The following PHKA2 variants were observed in gnomAD, a reference collection of about 807,000 sequenced individuals.
The protein encoded by PHKA2 is phosphorylase kinase regulatory subunit alpha 2.
In PHKA2, 31 loss-of-function variants were observed where a neutral mutation model predicts 102.0. The ratio of observed to expected loss-of-function variants is 0.30; its 90% confidence interval spans 0.23 to 0.41. The LOEUF (loss-of-function observed/expected upper bound fraction) is 0.41, where lower values mean the gene tolerates loss of function less well. PHKA2 is among the 10% of genes least tolerant of loss of function. The probability of loss-of-function intolerance (pLI) is 1.00; values close to 1 mark genes in which losing one functional copy is unlikely to be tolerated. For missense variants in PHKA2, 858 were observed against 1,023.1 expected (o/e 0.84, Z 2.20); for synonymous variants, 455 against 416.2 (o/e 1.09, Z -1.13).
intron 17 of PHKA2, among the ~76,000 whole-genome samples, chrX:18,921,760 G>A (rs1054317369): frequency 5.4e-5 from 6 of 110,828 alleles, no homozygotes; most frequent in Non-Finnish European, 1.1e-4. Flanking sequence ...CGGGTTCTGG[G>A]TTCACACAGA....
Position 18,897,620 on chromosome X carries a change from G to A in PHKA2, c.3112-287C>T, listed in dbSNP as rs979629256. 8.8e-5 allele frequency: 31 copies of A among 354,060 alleles called. No individual in the cohort carries two copies. In the Admixed American group the frequency reaches 1.1e-3, roughly 13 times the overall value. 29.2% of individuals were successfully genotyped at this position (354,060 alleles called of 1,213,427 possible). ...GGAGGAGGCCGAACAGGGCGAGCAC[G>A]GGCTTGGGGGTCAGACTGCCGGAGT... is the stretch of plus-strand genomic sequence containing the variant. On this transcript the variant is annotated intron_variant, in intron 29 of 32. Transcript: ENST00000379942.
chrX:18,894,873 A>T (rs1242880667), intron 31 of PHKA2: 1 of 422,278 alleles, frequency 2.4e-6, no homozygotes, highest in East Asian at 3.9e-5. Context: ...TTCTTTCACC[A>T]GGGTTCTAAG....
intron 1 of PHKA2, among the ~76,000 whole-genome samples, chrX:18,975,352 C>T (rs1263312780): frequency 2.7e-5 from 3 of 111,634 alleles, no homozygotes; most frequent in Non-Finnish European, 5.6e-5. Flanking sequence ...TCTCTTTGCC[C>T]GCTGCCATCC....
chrX:18,929,186 G>A, intron 13 of PHKA2, 42 bp downstream of exon 13: 1 of 907,734 alleles, frequency 1.1e-6, no homozygotes, highest in Non-Finnish European at 1.6e-6. Flanking sequence ...AATAACATTG[G>A]TTTTACAAAG....
intron 18 of PHKA2, 106 bp from the exon 19 acceptor site, chrX:18,918,960 A>G (rs1601728597): frequency 3.1e-6 from 2 of 646,500 alleles, no homozygotes; most frequent in East Asian, 6.5e-5. Context: ...GGCTTAGCAG[A>G]TGACAACACT....
rs182242681 is a variant in PHKA2 at position 18,959,488 on chromosome X, G to T, written c.79-5076C>A. Among the ~76,000 whole-genome samples the T allele has an allele frequency of 4.5e-5, 5 of 111,343 alleles. No individual in the cohort carries two copies. The East Asian group carries it at 1.1e-3, about 25-fold the overall frequency. On this transcript the variant is annotated intron_variant, in intron 1 of 32. Transcript: ENST00000379942. ...TTTATCATTACTATAAACATTACTG[G>T]TGAAGATATTTTATCACATTGACAT... is the stretch of plus-strand genomic sequence containing the variant.
chrX:18,899,973 C>G (rs2047648895), intron 28 of PHKA2, among the ~76,000 whole-genome samples: 1 of 111,762 alleles, frequency 8.9e-6, no homozygotes, highest in Admixed American at 9.5e-5. Context: ...AGGAACCACT[C>G]AGATTCACCC....
intron 18 of PHKA2, among the ~76,000 whole-genome samples, chrX:18,919,798 T>C (rs1477425818): frequency 9.0e-6 from 1 of 110,633 alleles, no homozygotes; most frequent in Non-Finnish European, 1.9e-5. Context: ...CTGAAACTCT[T>C]TGTCCTTCTA....
At chrX:18,960,014 C>T (rs1018882539) in intron 1 of PHKA2, among the ~76,000 whole-genome samples, 1 of 111,282 alleles carries the variant, frequency 9.0e-6, no homozygotes, top group Non-Finnish European at 1.9e-5. Flanking sequence ...TATCTCCAGC[C>T]ACTTGTTCAC....
intron 1 of PHKA2, among the ~76,000 whole-genome samples, chrX:18,965,271 G>C (rs889228801): frequency 6.3e-5 from 7 of 111,625 alleles, no homozygotes. Flanking sequence ...TGAGATGTAA[G>C]TCCTGAGCCT....
intron 2 of PHKA2, among the ~76,000 whole-genome samples, chrX:18,953,762 G>A (rs1396570455): frequency 2.7e-5 from 3 of 111,523 alleles, no homozygotes; most frequent in East Asian, 5.6e-4. Flanking sequence ...TGAGGTGGGC[G>A]GATCACTTGA....
Position 18,924,110 on chromosome X carries a change from G to C in PHKA2, c.1739C>G (p.Ser580Cys). ...MLTNDGSDIH[S>C]AVLSTIRKLE... ...TTTTCTAATTGTGGAGAGCACAGCAGAATGAATGTCTGAGCCATCATTTGC... is the reference window on the plus strand; with the variant it reads ...TTTTCTAATTGTGGAGAGCACAGCACAATGAATGTCTGAGCCATCATTTGC... The change falls in exon 17 of 33, where the codon TCT becomes TGT. Residue 580 changes from serine to cysteine, a missense_variant. Ser to Cys is a moderately radical substitution (Grantham distance 112). This residue lies in a region of PHKA2 where 671 missense variants were observed against 745.2 expected (regional missense o/e 0.90). Coordinates refer to ENST00000379942, the MANE Select transcript of PHKA2 (RefSeq NM_000292.3). 1 of 1,204,007 alleles carries C rather than the reference G, an allele frequency of 8.3e-7. No homozygotes were observed. The highest frequency in any genetic ancestry group is 1.1e-6 in the Non-Finnish European group (1 of 888,243).
At chrX:18,948,147 G>C (rs1273657351) in intron 5 of PHKA2, among the ~76,000 whole-genome samples, 1 of 111,580 alleles carries the variant, frequency 9.0e-6, no homozygotes, top group Admixed American at 9.5e-5. Flanking sequence ...ATAACCTATG[G>C]AAATAAAAAA....
In PHKA2 at chrX:18,899,220, A is replaced by T. The variant is rs773766679; in HGVS notation, c.3064T>A (p.Ser1022Thr). The change falls in exon 29 of 33, where the codon TCT (serine) becomes ACT (threonine). Residue 1022 changes from serine (S) to threonine (T), a missense_variant. Physicochemically the swap from Ser to Thr is moderately conservative, Grantham distance 58. Around this residue, in one of 2 missense-constraint regions of PHKA2, gnomAD observed 671 missense variants for 745.2 expected, o/e 0.90. Coordinates refer to ENST00000379942, the MANE Select transcript of PHKA2 (RefSeq NM_000292.3). ...CTGCTGGACGCGGCCTGGCCCACAG[A>T]AAAGAACTACAAAACAAAAAGAATC... ...RRFSADEQFF[S>T]VGQAASSSAH... 8.5e-5 allele frequency: 103 copies of T among 1,206,307 alleles called. No individual in the cohort carries two copies. The South Asian group carries it at 1.4e-3, about 17-fold the overall frequency.
intron 9 of PHKA2, 35 bp from the exon 10 acceptor site, chrX:18,938,784 T>C (rs1367850945): frequency 1.7e-6 from 2 of 1,154,080 alleles, no homozygotes; most frequent in Non-Finnish European, 2.4e-6. Flanking sequence ...TAAAAGGTGA[T>C]GTCAGAATAC....
intron 12 of PHKA2, 131 bp downstream of exon 12, chrX:18,931,510 G>A (rs772535168): frequency 1.8e-6 from 1 of 567,594 alleles, no homozygotes; most frequent in South Asian, 2.3e-5. Context: ...ACACGGTCCA[G>A]TTGACCTTAA....
rs753602072 is a variant in PHKA2, at chrX:18,924,388, G to A, written c.1707C>T (p.Thr569=). The change falls in exon 16 of 33, where the codon ACC becomes ACT. Residue 569 remains threonine, a synonymous_variant. Coordinates refer to ENST00000379942, the MANE Select transcript of PHKA2 (RefSeq NM_000292.3). ...TGAAATCCCTGGAGTTACTGAGCAT[G>A]GTGCGACTGATGGGGAAGGTGAGTG... is the stretch of plus-strand genomic sequence containing the variant. ...RPTLTFPISR[T]MLTNDGSDIH... is the part of the protein sequence containing the mutation. 14 of 1,208,929 alleles carry A rather than the reference G, an allele frequency of 1.2e-5. No homozygotes were observed. The South Asian group carries it at 2.3e-4, about 20-fold the overall frequency.
At chrX:18,932,432 G>A (rs1172823114) in intron 11 of PHKA2, among the ~76,000 whole-genome samples, 1 of 111,113 alleles carries the variant, frequency 9.0e-6, no homozygotes, top group Admixed American at 9.7e-5. Context: ...GTCAGTGACC[G>A]CTTTTGTCTT....
chrX:18,908,174 G>C (rs1420490958), intron 21 of PHKA2, 118 bp from the exon 22 acceptor site: 2 of 721,912 alleles, frequency 2.8e-6, no homozygotes, highest in Non-Finnish European at 4.4e-6. Flanking sequence ...GAGTCTCACT[G>C]AGAGGGTTAC....
Sources: allele counts gnomAD v4.1 joint callset (sites outside exome capture counted in the v4.1 genomes callset), GRCh38; gene constraint gnomAD v4.1.1; regional missense constraint gnomAD v4.1.1; transcripts MANE v1.5; gene names NCBI Gene and HGNC (gene_info 2026-07-23, HGNC 2026-07-21).